Variants in CCDC38 observed in about 807,000 individuals in gnomAD.
CCDC38 encodes the protein coiled-coil domain-containing protein 38.
CCDC38 carries 69 observed loss-of-function variants against 72.8 expected under a neutral mutation model. The ratio of observed to expected loss-of-function variants is 0.95; its 90% confidence interval spans 0.78 to 1.16. CCDC38 has a LOEUF of 1.16. CCDC38 is among the 50% of genes most tolerant of loss of function. The probability of loss-of-function intolerance (pLI) is 0.00; values close to 1 mark genes in which losing one functional copy is unlikely to be tolerated. For synonymous variants in CCDC38, 201 were observed against 213.2 expected (o/e 0.94, Z 0.50); for missense variants, 626 against 638.9 (o/e 0.98, Z 0.22).
intron 10 of CCDC38, among the ~76,000 whole-genome samples, chr12:95,884,718 T>C (rs1391130827): frequency 6.6e-6 from 1 of 152,248 alleles, no homozygotes; most frequent in African/African-American, 2.4e-5. Context: ...TGCAGCCACA[T>C]CACTTCAATC....
chr12:95,887,494 C>T (rs78898866), intron 10 of CCDC38, among the ~76,000 whole-genome samples: 3,013 of 152,256 alleles, frequency 0.02, 106 homozygotes, highest in African/African-American at 0.07. Flanking sequence ...AGTAAAATAA[C>T]CCAATCCCAA....
rs75912579 is a variant in CCDC38 at position 95,873,745 on chromosome 12, C to T, written c.1279-1285G>A. Among the ~76,000 whole-genome samples the T allele has an allele frequency of 4.6e-3, 702 of 152,312 alleles. 4 individuals are homozygous for T. The highest frequency in any genetic ancestry group is 0.016 in the African/African-American group (670 of 41,572). ...CAAATAACACTCAAGAGAGAGGTGG[C>T]TCCTGGAGCCATGGGAAGCCCCTCC... On this transcript the variant is annotated intron_variant, in intron 13 of 15. Coordinates refer to ENST00000344280, the MANE Select transcript of CCDC38 (RefSeq NM_182496.3).
chr12:95,881,848 C>G (rs2079703842), intron 10 of CCDC38, among the ~76,000 whole-genome samples: 1 of 152,164 alleles, frequency 6.6e-6, no homozygotes, highest in East Asian at 1.9e-4. Context: ...AGTAAGGTAA[C>G]TTTATTTTTA....
At chr12:95,919,326 A>T (rs1212042495) in intron 2 of CCDC38, 8 of 359,354 alleles carry the variant, frequency 2.2e-5, no homozygotes, top group Admixed American at 3.7e-5. Context: ...ATTTGAACAC[A>T]GTTTGAGCAC....
intron 15 of CCDC38, among the ~76,000 whole-genome samples, chr12:95,867,534 C>T (rs1031792204): frequency 2.6e-5 from 4 of 152,172 alleles, no homozygotes; most frequent in Non-Finnish European, 4.4e-5. Context: ...CAGTAAGTGC[C>T]ATAGCCAGTT....
At chr12:95,909,727 G>T (rs555538220) in intron 4 of CCDC38, among the ~76,000 whole-genome samples, 1 of 152,080 alleles carries the variant, frequency 6.6e-6, no homozygotes, top group Non-Finnish European at 1.5e-5. Context: ...TTTACTCCTA[G>T]AATACAAGGT....
At position 95,879,431 on chromosome 12, in the gene CCDC38, G is replaced by C. The variant is rs1287815789; in HGVS notation, c.1142+213C>G. ...TTTATTATTACTAGTAGGAAAATAC[G>C]TTGACAAGTGAAAGGAAGTAGGGAC... On this transcript the variant is annotated intron_variant, in intron 12 of 15. Transcript: ENST00000344280. This position sits in a 1 kb window ranked among gnomAD's most constrained non-coding sequence, Gnocchi z 5.5. Among the ~76,000 whole-genome samples the C allele has an allele frequency of 6.6e-6, 1 of 152,106 alleles. No homozygotes were observed. Among genetic ancestry groups the C allele is most frequent in the Non-Finnish European group, 1.5e-5 (1 of 68,024 alleles).
At chr12:95,924,293 G>A (rs1160597394) in intron 2 of CCDC38, among the ~76,000 whole-genome samples, 1 of 147,450 alleles carries the variant, frequency 6.8e-6, no homozygotes, top group Non-Finnish European at 1.5e-5. Flanking sequence ...CTGATGGCCA[G>A]TGATGGTGAG....
At chr12:95,903,581 TGA>T (rs1242346868) in intron 5 of CCDC38, 1 of 608,272 alleles carries the variant, frequency 1.6e-6, no homozygotes, top group Non-Finnish European at 3.0e-6. Context: ...CCTACTTTGC[TGA>T]GAGTCTCCAT....
chr12:95,877,900 A>G (rs1180032591), intron 13 of CCDC38, among the ~76,000 whole-genome samples: 2 of 152,246 alleles, frequency 1.3e-5, no homozygotes, highest in Non-Finnish European at 2.9e-5. Flanking sequence ...CCAAAATGAT[A>G]ACACACAGTG....
At chr12:95,914,430 A>G (rs953755280) in intron 4 of CCDC38, among the ~76,000 whole-genome samples, 2 of 152,228 alleles carry the variant, frequency 1.3e-5, no homozygotes, top group African/African-American at 4.8e-5. Flanking sequence ...CACCTACTTC[A>G]ACATTATCAA....
intron 10 of CCDC38, among the ~76,000 whole-genome samples, chr12:95,883,596 C>A (rs1221717844): frequency 1.3e-5 from 2 of 152,188 alleles, no homozygotes; most frequent in Non-Finnish European, 2.9e-5. Flanking sequence ...CCTCCCATGC[C>A]CTCACCTCTC....
At chr12:95,925,752 G>T (rs952876360) in intron 2 of CCDC38, among the ~76,000 whole-genome samples, 6 of 151,896 alleles carry the variant, frequency 4.0e-5, no homozygotes, top group East Asian at 1.9e-4. Context: ...TAGCCTGAAG[G>T]GTTGTTGAAT....
intron 4 of CCDC38, among the ~76,000 whole-genome samples, chr12:95,910,907 A>G (rs2080086819): frequency 6.6e-6 from 1 of 152,074 alleles, no homozygotes; most frequent in African/African-American, 2.4e-5. Context: ...AAATTACATG[A>G]AGCCAAAATA....
intron 3 of CCDC38, among the ~76,000 whole-genome samples, chr12:95,917,579 T>C (rs2080159176): frequency 6.6e-6 from 1 of 152,112 alleles, no homozygotes; most frequent in African/African-American, 2.4e-5. Context: ...CAGTTAAAAT[T>C]TGGAAATTCC....
chr12:95,936,860 AAAAAC>A (rs1355402250), intron 1 of CCDC38, among the ~76,000 whole-genome samples: 2 of 152,242 alleles, frequency 1.3e-5, no homozygotes, highest in Non-Finnish European at 2.9e-5. Context: ...GTATTGGTTA[AAAAAC>A]AAAACATTTC....
rs754582737 is a variant in CCDC38, at chr12:95,931,853, C to T, written c.37+4620G>A. On this transcript the variant is annotated intron_variant, in intron 2 of 15. Coordinates refer to ENST00000344280, the MANE Select transcript of CCDC38 (RefSeq NM_182496.3). ...TAAGTAGAGTGATCAGAATGGGTCT[C>T]ATTGATCAAGTGGTATTTAAAGGAG... Among the ~76,000 whole-genome samples the T allele has an allele frequency of 6.6e-5, 10 of 152,236 alleles. No homozygotes were observed. The South Asian group carries it at 1.2e-3, about 19-fold the overall frequency.
chr12:95,872,165 T>C, intron 14 of CCDC38, 90 bp downstream of exon 14: 1 of 1,143,764 alleles, frequency 8.7e-7, no homozygotes, highest in South Asian at 1.4e-5. Context: ...CCCTATAATA[T>C]GACATTACAC....
In CCDC38 at chr12:95,898,680, C is replaced by T. The variant is rs150109591; in HGVS notation, c.421G>A (p.Ala141Thr). 9.3e-6 allele frequency: 15 copies of T among 1,614,052 alleles called. No individual in the cohort carries two copies. In the African/African-American group the frequency reaches 2.0e-4, roughly 22 times the overall value. The change falls in exon 6 of 16, where the codon GCA (alanine) becomes ACA (threonine). Residue 141 changes from alanine to threonine, a missense_variant. By Grantham distance (58) the Ala-to-Thr change is moderately conservative. Transcript: ENST00000344280. ...NTIKKFEKDIAMRERQLKKAE... is the reference protein window; with the variant it reads ...NTIKKFEKDITMRERQLKKAE... ...TTTTTTAGTTGCCGTTCCCTCATTG[C>T]TATGTCTTTTTCAAACTTTTTGATT...
Sources: gnomAD v4.1 joint callset for allele counts (sites outside exome capture counted in the v4.1 genomes callset) on GRCh38, gnomAD v4.1.1 for gene constraint, Gnocchi (gnomAD v3.1) non-coding constraint, MANE v1.5 for transcripts, NCBI Gene and HGNC (gene_info 2026-07-23, HGNC 2026-07-21) for gene names.